MALRD1: variants seen among roughly 807,000 people sequenced by gnomAD.
The protein encoded by MALRD1 is MAM and LDL receptor class A domain containing 1.
Under a neutral mutation model 242.1 loss-of-function variants are expected in MALRD1, and 247 were observed. That is an observed-to-expected ratio of 1.02 (90% CI 0.92 to 1.13). The LOEUF (loss-of-function observed/expected upper bound fraction) is 1.13. Ranked by LOEUF, MALRD1 falls within the 50% of genes most tolerant of loss-of-function variation. The pLI, the probability that MALRD1 is intolerant of heterozygous loss-of-function variation, is 0.00. For missense variants in MALRD1, 2,989 were observed against 2,533.1 expected (o/e 1.18, Z -3.86); for synonymous variants, 995 against 866.6 (o/e 1.15, Z -2.60).
At chr10:19,176,653 C>T (rs1175010173) in intron 14 of MALRD1, among the ~76,000 whole-genome samples, 1 of 151,850 alleles carries the variant, frequency 6.6e-6, no homozygotes, top group Non-Finnish European at 1.5e-5. Context: ...GGATTACAGG[C>T]GTGAGCCACC....
intron 18 of MALRD1, among the ~76,000 whole-genome samples, chr10:19,230,597 G>A (rs951390726): frequency 2.0e-5 from 3 of 152,156 alleles, no homozygotes; most frequent in African/African-American, 7.2e-5. Flanking sequence ...CAACATTGGG[G>A]ATCACATTTT....
intron 38 of MALRD1, among the ~76,000 whole-genome samples, chr10:19,701,506 G>T (rs894141903): frequency 6.6e-6 from 1 of 152,042 alleles, no homozygotes; most frequent in Non-Finnish European, 1.5e-5. Flanking sequence ...AAACTGGGTT[G>T]GGGCGATGGA....
chr10:19,674,936 A>C (rs1290463916), intron 36 of MALRD1, among the ~76,000 whole-genome samples: 1 of 152,086 alleles, frequency 6.6e-6, no homozygotes, highest in African/African-American at 2.4e-5. Flanking sequence ...GAGAAATAGA[A>C]GCTCAAAACA....
intron 2 of MALRD1, among the ~76,000 whole-genome samples, chr10:19,082,924 C>G (rs966612210): frequency 3.9e-5 from 6 of 151,946 alleles, no homozygotes; most frequent in African/African-American, 1.4e-4. Flanking sequence ...GCTGGGAAGT[C>G]CAAGATCAAG....
intron 19 of MALRD1, among the ~76,000 whole-genome samples, chr10:19,267,878 T>C (rs1325214002): frequency 6.6e-6 from 1 of 152,110 alleles, no homozygotes; most frequent in African/African-American, 2.4e-5. Flanking sequence ...TTAGCTTCTT[T>C]GGTGTAGTCT....
chr10:19,462,181 G>A (rs1177445966), intron 29 of MALRD1, among the ~76,000 whole-genome samples: 2 of 152,114 alleles, frequency 1.3e-5, no homozygotes, highest in African/African-American at 4.8e-5. Flanking sequence ...CAATAGTAAA[G>A]CACTTCCTCT....
At chr10:19,306,462 G>A (rs1372026486) in intron 21 of MALRD1, among the ~76,000 whole-genome samples, 10 of 134,534 alleles carry the variant, frequency 7.4e-5, no homozygotes, top group Admixed American at 7.9e-5. Flanking sequence ...ATATAGTGTC[G>A]TATATGTACC....
At chr10:19,526,622 A>G (rs180882433) in intron 31 of MALRD1, among the ~76,000 whole-genome samples, 26 of 152,184 alleles carry the variant, frequency 1.7e-4, no homozygotes, top group Admixed American at 1.2e-3. Flanking sequence ...TGAGTATGCA[A>G]ATTTGAAGAT....
rs1225654413 is a variant in MALRD1 at position 19,438,924 on chromosome 10, G to A, written c.4846-11383G>A. 4.6e-5 allele frequency among the ~76,000 whole-genome samples: 7 copies of A among 152,200 alleles called. No homozygotes were observed. In the East Asian group the frequency reaches 9.7e-4, roughly 21 times the overall value. ...ACTCATTGCCTGCAGCATGGGTACC[G>A]TTCATCCAAGATTCACTGGCAACCG... is the stretch of plus-strand genomic sequence containing the variant. On this transcript the variant is annotated intron_variant, in intron 28 of 39. Transcript: ENST00000454679.
intron 32 of MALRD1, among the ~76,000 whole-genome samples, chr10:19,554,320 G>A (rs1282097346): frequency 6.6e-6 from 1 of 152,056 alleles, no homozygotes; most frequent in African/African-American, 2.4e-5. Flanking sequence ...AATGTCACGT[G>A]CTGAGAGCAG....
intron 1 of MALRD1, among the ~76,000 whole-genome samples, chr10:19,050,929 G>A (rs555793311): frequency 6.6e-6 from 1 of 152,280 alleles, no homozygotes; most frequent in East Asian, 1.9e-4. Context: ...GAAAGGTCTT[G>A]GCTGCATGAA....
chr10:19,687,005 A>G (rs1405174482), intron 36 of MALRD1, among the ~76,000 whole-genome samples: 1 of 152,066 alleles, frequency 6.6e-6, no homozygotes, highest in East Asian at 1.9e-4. Flanking sequence ...TTTGAAAAAA[A>G]AAAAATAATA....
intron 18 of MALRD1, among the ~76,000 whole-genome samples, chr10:19,249,025 A>G (rs2131777023): frequency 6.8e-6 from 1 of 147,790 alleles, no homozygotes; most frequent in African/African-American, 2.5e-5. Flanking sequence ...GATATATAAT[A>G]TAAATTAAAA....
At chr10:19,489,268 G>T in intron 29 of MALRD1, 1 of 484,526 alleles carries the variant, frequency 2.1e-6, no homozygotes, top group Non-Finnish European at 4.2e-6. Flanking sequence ...AAGGGAAAAG[G>T]AGAGCAAAGG....
chr10:19,265,380 C>G (rs533940791), intron 19 of MALRD1, among the ~76,000 whole-genome samples: 1 of 152,108 alleles, frequency 6.6e-6, no homozygotes, highest in South Asian at 2.1e-4. Flanking sequence ...AAACTTTCCT[C>G]TTAGAACTGC....
chr10:19,140,967 A>G (rs1368293434), intron 10 of MALRD1, among the ~76,000 whole-genome samples: 1 of 152,214 alleles, frequency 6.6e-6, no homozygotes, highest in African/African-American at 2.4e-5. Context: ...AGGTAACTAT[A>G]TGATGAAATG....
At chr10:19,525,942 T>C (rs964574523) in intron 31 of MALRD1, among the ~76,000 whole-genome samples, 3 of 152,186 alleles carry the variant, frequency 2.0e-5, no homozygotes, top group African/African-American at 7.2e-5. Context: ...AAAATTCTGC[T>C]TCTATAAATA....
At chr10:19,183,761 G>A (rs1336080501) in intron 14 of MALRD1, among the ~76,000 whole-genome samples, 1 of 152,140 alleles carries the variant, frequency 6.6e-6, no homozygotes, top group African/African-American at 2.4e-5. Context: ...ATTTGCTCAA[G>A]AACTGTTTGG....
At chr10:19,286,391 T>A (rs1174665955) in intron 21 of MALRD1, among the ~76,000 whole-genome samples, 1 of 150,076 alleles carries the variant, frequency 6.7e-6, no homozygotes, top group Non-Finnish European at 1.5e-5. Flanking sequence ...GCTGTGGGTT[T>A]GTCATAGATA....
Sources: gnomAD v4.1 joint callset for allele counts (sites outside exome capture counted in the v4.1 genomes callset) on GRCh38, gnomAD v4.1.1 for gene constraint, MANE v1.5 for transcripts, NCBI Gene and HGNC (gene_info 2026-07-23, HGNC 2026-07-21) for gene names.